Variants in PIK3C2B observed in about 807,000 individuals in gnomAD.
The protein encoded by PIK3C2B is phosphatidylinositol-4-phosphate 3-kinase catalytic subunit type 2 beta, also known as phosphatidylinositol 4-phosphate 3-kinase C2 domain-containing subunit beta.
A neutral mutation model predicts 184.3 loss-of-function variants in PIK3C2B; 83 were observed. The ratio of observed to expected loss-of-function variants is 0.45; its 90% CI spans 0.38 to 0.54. The LOEUF (loss-of-function observed/expected upper bound fraction) is 0.54, where lower values mean the gene tolerates loss of function less well. PIK3C2B is among the 20% of genes least tolerant of loss of function. The pLI, the probability that PIK3C2B is intolerant of heterozygous loss-of-function variation, is 0.00. For synonymous variants in PIK3C2B, 779 were observed against 837.6 expected (o/e 0.93, Z 1.21); for missense variants, 1,736 against 2,113.5 (o/e 0.82, Z 3.50).
intron 1 of PIK3C2B, among the ~76,000 whole-genome samples, chr1:204,492,970 C>G (rs534510501): frequency 1.3e-5 from 2 of 152,302 alleles, no homozygotes; most frequent in African/African-American, 4.8e-5. Flanking sequence ...TGTGCCTCGA[C>G]TTAATTTTTC....
At position 204,432,365 on chromosome 1, in the gene PIK3C2B, C is replaced by A; in HGVS notation, c.3990G>T (p.Lys1330Asn). ...CCAGATTATGGATGAAAAAATTGAGCTTTGTGGCTACACTGCCCAGGCTGG... is the reference window on the plus strand; with the variant it reads ...CCAGATTATGGATGAAAAAATTGAGATTTGTGGCTACACTGCCCAGGCTGG... The part of the protein sequence containing the change: ...IESSLGSVAT[K>N]LNFFIHNLAQ... Residue 1330 changes from lysine (K) to asparagine (N), a missense_variant, in exon 27 of 33, where the codon AAG becomes AAT. Coordinates refer to ENST00000684373, the MANE Select transcript of PIK3C2B (RefSeq NM_001377334.1). The A allele has an allele frequency of 6.2e-7, 1 of 1,614,112 alleles. No individual in the cohort carries two copies. The highest frequency in any genetic ancestry group is 8.5e-7 in the Non-Finnish European group (1 of 1,180,026).
At chr1:204,443,626 G>A (rs757881076) in intron 18 of PIK3C2B, 29 bp from the exon 19 acceptor site, 12 of 1,604,260 alleles carry the variant, frequency 7.5e-6, no homozygotes, top group Non-Finnish European at 1.0e-5. Flanking sequence ...CAGGAGTCAG[G>A]GCACTCCAGG....
chr1:204,465,835 T>C (rs957850346), intron 2 of PIK3C2B, among the ~76,000 whole-genome samples: 2 of 152,160 alleles, frequency 1.3e-5, no homozygotes, highest in African/African-American at 2.4e-5. Context: ...AACCCTTAGA[T>C]AGAGGAGATG....
chr1:204,480,045 G>A (rs1337028258), intron 1 of PIK3C2B, among the ~76,000 whole-genome samples: 1 of 152,136 alleles, frequency 6.6e-6, no homozygotes, highest in East Asian at 1.9e-4. Context: ...ACCCATCCAG[G>A]TCTGCAAGGA....
intron 22 of PIK3C2B, 46 bp from the exon 23 acceptor site, chr1:204,439,117 G>A (rs1268656408): frequency 6.3e-7 from 1 of 1,596,424 alleles, no homozygotes; most frequent in Non-Finnish European, 8.6e-7. Flanking sequence ...AGAATGAAGG[G>A]GACTGCAGGG....
intron 1 of PIK3C2B, among the ~76,000 whole-genome samples, chr1:204,477,969 T>G (rs1488764260): frequency 6.6e-6 from 1 of 152,168 alleles, no homozygotes; most frequent in Non-Finnish European, 1.5e-5. Flanking sequence ...CTGCATGTCT[T>G]GGACCATCTT....
At chr1:204,427,781 G>A in intron 30 of PIK3C2B, 27 bp from the exon 31 acceptor site, 2 of 1,510,490 alleles carry the variant, frequency 1.3e-6, no homozygotes, top group Non-Finnish European at 1.8e-6. Flanking sequence ...AACCATGAAG[G>A]GTCAAGAGGC....
At chr1:204,460,465 C>A (rs543010300) in intron 6 of PIK3C2B, 62 bp from the exon 7 acceptor site, 3 of 1,533,644 alleles carry the variant, frequency 2.0e-6, no homozygotes, top group South Asian at 1.1e-5. Context: ...AGCACTCCTA[C>A]CCCCCTCCCA....
At position 204,429,999 on chromosome 1, in the gene PIK3C2B, C is replaced by G. The variant is rs746223785; in HGVS notation, c.4320G>C (p.Glu1440Asp). Residue 1440 changes from glutamate to aspartate, a missense_variant, in exon 29 of 33, where the codon GAG becomes GAC. By Grantham distance (45) the Glu-to-Asp change is conservative. Coordinates refer to ENST00000684373, the MANE Select transcript of PIK3C2B (RefSeq NM_001377334.1). ...SRFVIGRSRG[E>D]AVAERRREEL... ...CCTCCCTCCGCCGCTCGGCCACCGC[C>G]TCTCCCCGGGAGCGGCCGATCACGA... 18 of 1,611,524 alleles carry G rather than the reference C, an allele frequency of 1.1e-5. No individual in the cohort carries two copies. Among genetic ancestry groups the G allele is most frequent in the Non-Finnish European group, 1.4e-5 (17 of 1,179,980 alleles).
chr1:204,453,820 C>A (rs2103494586), intron 12 of PIK3C2B, among the ~76,000 whole-genome samples: 1 of 151,332 alleles, frequency 6.6e-6, no homozygotes, highest in Middle Eastern at 3.4e-3. Context: ...GTTGCCCAGG[C>A]TGGAGTGCAA....
chr1:204,453,547 C>T (rs950701988), intron 12 of PIK3C2B, among the ~76,000 whole-genome samples: 2 of 152,100 alleles, frequency 1.3e-5, no homozygotes, highest in Admixed American at 6.6e-5. Context: ...AAGTAGTATT[C>T]GAGACAGAGC....
intron 2 of PIK3C2B, chr1:204,466,825 T>C: frequency 3.8e-6 from 2 of 532,184 alleles, no homozygotes; most frequent in Non-Finnish European, 7.7e-6. Flanking sequence ...TGGGGGAGTC[T>C]GCCGGGCAGA....
chr1:204,456,715 G>A (rs1342872911), intron 10 of PIK3C2B, among the ~76,000 whole-genome samples: 1 of 151,990 alleles, frequency 6.6e-6, no homozygotes, highest in African/African-American at 2.4e-5. Context: ...TTCCCATCTG[G>A]ATCACAGGGC....
intron 10 of PIK3C2B, 33 bp from the exon 11 acceptor site, chr1:204,456,084 T>C: frequency 1.3e-6 from 2 of 1,579,008 alleles, no homozygotes; most frequent in South Asian, 2.3e-5. Flanking sequence ...GGGAAAGTCA[T>C]GAGGCCTCCA....
intron 1 of PIK3C2B, among the ~76,000 whole-genome samples, chr1:204,479,248 T>C (rs1656945531): frequency 6.6e-6 from 1 of 152,180 alleles, no homozygotes; most frequent in African/African-American, 2.4e-5. Context: ...TCCTACTTCC[T>C]GCTTCCTCCT....
At chr1:204,450,961 C>T (rs1654299240) in intron 12 of PIK3C2B, among the ~76,000 whole-genome samples, 1 of 152,238 alleles carries the variant, frequency 6.6e-6, no homozygotes, top group South Asian at 2.1e-4. Flanking sequence ...GGGCGGCCAC[C>T]CCCAAGGTTG....
At chr1:204,449,735 G>A in intron 13 of PIK3C2B, 115 bp downstream of exon 13, 1 of 921,442 alleles carries the variant, frequency 1.1e-6, no homozygotes, top group Non-Finnish European at 1.6e-6. Flanking sequence ...TCACCAGTGA[G>A]CCCCACATGG....
chr1:204,431,670 T>G lies in PIK3C2B; in HGVS notation c.4279A>C (p.Ser1427Arg), dbSNP rs750626335. Residue 1427 changes from serine to arginine, a missense_variant and splice_region_variant, in exon 28 of 33, where the codon AGC becomes CGC. Transcript: ENST00000684373. ...RLLFPSSHLP[S>R]FPSRFVIGRS... ...GCAGATAGTAAAGGGGGCAGCTACC[T>G]GGGCAAGTGGGAAGAAGGGAAGAGC... 1 of 1,614,036 alleles carries G rather than the reference T, an allele frequency of 6.2e-7. No individual in the cohort carries two copies. Among genetic ancestry groups the G allele is most frequent in the South Asian group, 1.1e-5 (1 of 91,068 alleles).
rs774288340 is a variant in PIK3C2B at position 204,443,525 on chromosome 1, G to A, written c.2940C>T (p.Cys980=). 34 of 1,614,220 alleles carry A rather than the reference G, an allele frequency of 2.1e-5. No individual in the cohort carries two copies. Among genetic ancestry groups the A allele is most frequent in the Non-Finnish European group, 2.7e-5 (32 of 1,180,032 alleles). The change falls in exon 19 of 33, where the codon TGC becomes TGT. Residue 980 remains cysteine (C), a synonymous_variant. Transcript: ENST00000684373. ...CTTCTCTCAGCCCCTTGCCACAGCA[G>A]CACAGTAAGGCTGCCAGCAGATACT... ...RYQYLLAALL[C]CCGKGLREEF... is the part of the protein sequence containing the mutation.
Sources: allele counts gnomAD v4.1 joint callset (sites outside exome capture counted in the v4.1 genomes callset), GRCh38; gene constraint gnomAD v4.1.1; transcripts MANE v1.5; gene names NCBI Gene and HGNC (gene_info 2026-07-23, HGNC 2026-07-21).